The following GRIA4 variants were observed in gnomAD, a reference collection of about 807,000 sequenced individuals.
GRIA4 encodes glutamate ionotropic receptor AMPA type subunit 4.
GRIA4 carries 34 observed loss-of-function variants against 104.0 expected under a neutral mutation model. That is an observed-to-expected ratio of 0.33 (90% CI 0.25 to 0.44). The LOEUF is 0.44. Ranked by LOEUF, GRIA4 falls within the 20% of genes least tolerant of loss-of-function variation. The pLI is 1.00. For missense variants in GRIA4, 750 were observed against 1,096.5 expected (o/e 0.68, Z 4.46); for synonymous variants, 386 against 381.9 (o/e 1.01, Z -0.13).
intron 3 of GRIA4, among the ~76,000 whole-genome samples, chr11:105,736,728 T>C (rs1394726910): frequency 2.0e-5 from 3 of 152,118 alleles, no homozygotes; most frequent in East Asian, 3.9e-4. Flanking sequence ...TATATTCTAC[T>C]ATAAAGTCTG....
chr11:105,852,640 G>A (rs1245966644), intron 4 of GRIA4, among the ~76,000 whole-genome samples: 1 of 152,012 alleles, frequency 6.6e-6, no homozygotes, highest in Non-Finnish European at 1.5e-5. Context: ...ATTTAATAGT[G>A]AGCAATCAAA....
chr11:105,726,953 T>C (rs1938250047), intron 3 of GRIA4, among the ~76,000 whole-genome samples: 1 of 151,764 alleles, frequency 6.6e-6, no homozygotes, highest in Admixed American at 6.6e-5. Flanking sequence ...AGGCTTAAAA[T>C]GCCAAAAACT....
At chr11:105,634,428 AGGGAGGAGAAAGGAAGGAAGG>A (rs1565419603) in intron 3 of GRIA4, among the ~76,000 whole-genome samples, 150 of 147,186 alleles carry the variant, frequency 1.0e-3, no homozygotes, top group African/African-American at 3.3e-3. Context: ...GGAGAAAGGA[AGGGAGGAGAAAGGAAGGAAGG>A]AGAAAGAAAG....
chr11:105,902,637 A>C (rs1946899868), intron 7 of GRIA4, among the ~76,000 whole-genome samples: 1 of 152,124 alleles, frequency 6.6e-6, no homozygotes. Context: ...GCCCAGCCCT[A>C]AGTTTACTTT....
rs145077858 is a variant in GRIA4, at chr11:105,624,735, C to T, written c.247+12301C>T. 4.3e-3 allele frequency among the ~76,000 whole-genome samples: 652 copies of T among 152,100 alleles called. 2 individuals carry two copies. The highest frequency in any genetic ancestry group is 0.015 in the African/African-American group (611 of 41,514). Reference sequence around the variant, plus strand: ...CTTTTTTCCTCCCCAAAAACATGCACGTCTCCTGCTTTCTTAATGGGAAGT... The same window carrying T: ...CTTTTTTCCTCCCCAAAAACATGCATGTCTCCTGCTTTCTTAATGGGAAGT... On this transcript the variant is annotated intron_variant, in intron 3 of 16. Transcript: ENST00000282499.
chr11:105,680,517 T>C (rs1223523639), intron 3 of GRIA4, among the ~76,000 whole-genome samples: 1 of 152,030 alleles, frequency 6.6e-6, no homozygotes, highest in Non-Finnish European at 1.5e-5. Context: ...ATAGTAAGAC[T>C]AGTGGTTTTT....
At chr11:105,750,251 A>G (rs1939921782) in intron 3 of GRIA4, among the ~76,000 whole-genome samples, 1 of 152,110 alleles carries the variant, frequency 6.6e-6, no homozygotes, top group Non-Finnish European at 1.5e-5. Flanking sequence ...ACATAATAAC[A>G]TTGAATATTT....
At chr11:105,959,731 CATGAGTTTGTCTAGTTTCGTTCTT>C (rs1469772275) in intron 14 of GRIA4, among the ~76,000 whole-genome samples, 1 of 152,172 alleles carries the variant, frequency 6.6e-6, no homozygotes, top group African/African-American at 2.4e-5. Flanking sequence ...TTCTCATCTT[CATGAGTTTGTCTAGTTTCGTTCTT>C]TGAGGCTGCT....
intron 1 of GRIA4, 195 bp downstream of exon 1, chr11:105,610,623 C>G (rs1018364472): frequency 3.1e-5 from 6 of 194,736 alleles, no homozygotes; most frequent in Non-Finnish European, 6.4e-5. Context: ...TGTGAGAAAG[C>G]AAGGGGCGAG....
intron 3 of GRIA4, among the ~76,000 whole-genome samples, chr11:105,728,202 A>G (rs905450451): frequency 2.6e-5 from 4 of 152,242 alleles, no homozygotes; most frequent in African/African-American, 9.6e-5. Context: ...AATGGAAAGC[A>G]AAAGAAGCAG....
rs547220746 is a variant in GRIA4 at position 105,611,181 on chromosome 11, T to C, written c.88+96T>C. 353 of 835,716 alleles carry C rather than the reference T, an allele frequency of 4.2e-4. 3 individuals carry two copies. The South Asian group carries it at 4.4e-3, about 10-fold the overall frequency. 51.8% of individuals were successfully genotyped at this position (835,716 alleles called of 1,614,324 possible). ...TGCTGATAAGCAATTCAGGGAAACC[T>C]TCAGCAGTTCCCTTCCCCTCTGTTT... On this transcript the variant is annotated intron_variant, in intron 2 of 16. Transcript: ENST00000282499.
intron 6 of GRIA4, among the ~76,000 whole-genome samples, chr11:105,888,428 T>C (rs944252837): frequency 3.3e-5 from 5 of 150,784 alleles, no homozygotes; most frequent in South Asian, 2.1e-4. Flanking sequence ...GGACTACAGG[T>C]GCCCGCCACT....
rs112922478 is a variant in GRIA4 at position 105,852,486 on chromosome 11, A to T, written c.488-9538A>T. Among the ~76,000 whole-genome samples the T allele has an allele frequency of 5.7e-3, 869 of 152,246 alleles. 12 individuals are homozygous for T. Among genetic ancestry groups the T allele is most frequent in the African/African-American group, 0.02 (814 of 41,570 alleles). ...AATTTAAATAACCTGCCTCAGAACC[A>T]CAGAGTTGAAATGAGAAACAGAACG... On this transcript the variant is annotated intron_variant, in intron 4 of 16. Coordinates refer to ENST00000282499, the MANE Select transcript of GRIA4 (RefSeq NM_000829.4).
At chr11:105,707,554 CA>C (rs1953749948) in intron 3 of GRIA4, 1 of 152,088 alleles carries the variant, frequency 6.6e-6, no homozygotes, top group South Asian at 2.1e-4. Flanking sequence ...GAGTTGCGCT[CA>C]AATTCAGTGT....
chr11:105,639,405 C>T (rs1951295354), intron 3 of GRIA4, among the ~76,000 whole-genome samples: 1 of 151,886 alleles, frequency 6.6e-6, no homozygotes, highest in Non-Finnish European at 1.5e-5. Flanking sequence ...GGTCTCTTGC[C>T]ATATGAAGAT....
intron 3 of GRIA4, among the ~76,000 whole-genome samples, chr11:105,661,225 A>G (rs1458121916): frequency 6.6e-6 from 1 of 151,628 alleles, no homozygotes; most frequent in East Asian, 1.9e-4. Flanking sequence ...ATGGGTAGAC[A>G]AGAGTTGTAT....
intron 3 of GRIA4, among the ~76,000 whole-genome samples, chr11:105,744,175 C>T (rs1939504230): frequency 1.3e-5 from 2 of 152,024 alleles, no homozygotes; most frequent in African/African-American, 2.4e-5. Context: ...AGTTTAGAGC[C>T]CTGTCTTGTC....
chr11:105,765,640 G>A (rs1276292581), intron 4 of GRIA4, among the ~76,000 whole-genome samples: 2 of 152,146 alleles, frequency 1.3e-5, no homozygotes. Context: ...TTAAAACAGG[G>A]GCCAGCTAAC....
intron 3 of GRIA4, among the ~76,000 whole-genome samples, chr11:105,721,505 C>T (rs1453930163): frequency 2.6e-5 from 4 of 152,124 alleles, no homozygotes; most frequent in Non-Finnish European, 5.9e-5. Context: ...AGCCTGGACT[C>T]AAACAAACAT....
Sources: gnomAD v4.1 joint callset for allele counts (sites outside exome capture counted in the v4.1 genomes callset) on GRCh38, gnomAD v4.1.1 for gene constraint, MANE v1.5 for transcripts, NCBI Gene and HGNC (gene_info 2026-07-23, HGNC 2026-07-21) for gene names.